The following DNAAF5 variants were observed in gnomAD, a reference collection of about 807,000 sequenced individuals.
The protein encoded by DNAAF5 is dynein axonemal assembly factor 5.
Under a neutral mutation model 75.8 loss-of-function variants are expected in DNAAF5, and 64 were observed. That is an observed-to-expected ratio of 0.84 (90% CI 0.69 to 1.04). The LOEUF (loss-of-function observed/expected upper bound fraction) is 1.04, where lower values mean the gene tolerates loss of function less well. DNAAF5 is among the 50% of genes least tolerant of loss of function. The pLI, the probability that DNAAF5 is intolerant of heterozygous loss-of-function variation, is 0.00. For synonymous variants in DNAAF5, 657 were observed against 557.2 expected, an observed-to-expected ratio of 1.18 and a Z score of -2.52; for missense variants, 1,269 against 1,178.5, an observed-to-expected ratio of 1.08 and a Z score of -1.12.
Position 727,112 on chromosome 7 carries a change from C to G in DNAAF5, c.392C>G (p.Ala131Gly), listed in dbSNP as rs1347850043. Residue 131 changes from alanine to glycine, a missense_variant, in exon 1 of 13, where the codon GCG becomes GGG. By Grantham distance (60) the Ala-to-Gly change is moderately conservative (BLOSUM62 0). Transcript: ENST00000297440. ...LAARLAGPVP[A>G]RRPPEACEEL... ...GCGCGCTTGGCCGGCCCCGTGCCCGCGCGCCGCCCGCCCGAGGCCTGTGAG... is the reference window on the plus strand; with the variant it reads ...GCGCGCTTGGCCGGCCCCGTGCCCGGGCGCCGCCCGCCCGAGGCCTGTGAG... 6 of 1,113,080 alleles carry G rather than the reference C, an allele frequency of 5.4e-6. No individual in the cohort carries two copies. The East Asian group carries it at 3.1e-4, about 58-fold the overall frequency. 69.0% of individuals were successfully genotyped at this position (1,113,080 alleles called of 1,614,324 possible).
intron 8 of DNAAF5, chr7:769,055 C>T: frequency 1.5e-6 from 1 of 673,974 alleles, no homozygotes. Context: ...CACCGCGAGG[C>T]CTGACTTCGA....
In DNAAF5 at chr7:775,086, A is replaced by G. The variant is rs746691920; in HGVS notation, c.2163A>G (p.Ser721=). ...ATTCGAAGATGACGCGACTGATCTCATGCCGTATTATCAACACGTTCTTAA... is the reference window on the plus strand; with the variant it reads ...ATTCGAAGATGACGCGACTGATCTCGTGCCGTATTATCAACACGTTCTTAA... ...EEDSKMTRLI[S]CRIINTFLKT... is the part of the protein sequence containing the mutation. The change falls in exon 11 of 13, where the codon TCA becomes TCG. Residue 721 remains serine, a synonymous_variant. Transcript: ENST00000297440. 1.2e-6 allele frequency: 2 copies of G among 1,613,936 alleles called. No homozygotes were observed. Among genetic ancestry groups the G allele is most frequent in the South Asian group, 1.1e-5 (1 of 91,074 alleles).
In DNAAF5 at chr7:727,221, T is replaced by C; in HGVS notation, c.501T>C (p.Ala167=). The change falls in exon 1 of 13, where the codon GCT becomes GCC. Residue 167 remains alanine, a synonymous_variant. Transcript: ENST00000297440. ...GAALAPHLDD[A]LRALRCSLLD... is the part of the protein sequence containing the mutation. ...CGCTCGCGCCCCACCTGGACGACGCTCTGCGCGCGCTGCGCTGCTCCCTGC... is the reference window on the plus strand; with the variant it reads ...CGCTCGCGCCCCACCTGGACGACGCCCTGCGCGCGCTGCGCTGCTCCCTGC... 7.4e-7 allele frequency: 1 copy of C among 1,350,250 alleles called. No individual in the cohort carries two copies. Among genetic ancestry groups the C allele is most frequent in the Non-Finnish European group, 9.5e-7 (1 of 1,050,686 alleles). 83.6% of individuals were successfully genotyped at this position (1,350,250 alleles called of 1,614,324 possible).
intron 7 of DNAAF5, 98 bp from the exon 8 acceptor site, chr7:763,708 T>A: frequency 7.3e-7 from 1 of 1,363,272 alleles, no homozygotes; most frequent in Non-Finnish European, 1.0e-6. Flanking sequence ...CCGGCCTGTG[T>A]GGTTCTTACG....
rs137913847 is a variant in DNAAF5 at position 734,735 on chromosome 7, G to A, written c.780+4888G>A. On this transcript the variant is annotated intron_variant, in intron 2 of 12. Coordinates refer to ENST00000297440, the MANE Select transcript of DNAAF5 (RefSeq NM_017802.4). ...TCTTTGCTCAGTGGCTTTTCATTGC[G>A]GCTTCAATATCATTACTTGTTACTG... Among the ~76,000 whole-genome samples the A allele has an allele frequency of 1.9e-4, 29 of 152,212 alleles. No homozygotes were observed. In the East Asian group the frequency reaches 5.4e-3, roughly 28 times the overall value.
At chr7:775,511 G>GGGGTGT (rs982665784) in intron 11 of DNAAF5, among the ~76,000 whole-genome samples, 2 of 150,616 alleles carry the variant, frequency 1.3e-5, no homozygotes, top group African/African-American at 4.9e-5. Context: ...TAAAAGTAGG[G>GGGGTGT]GTGTGTGTGT....
chr7:772,092 G>A (rs1172658154), intron 9 of DNAAF5: 1 of 152,360 alleles, frequency 6.6e-6, no homozygotes, highest in Non-Finnish European at 1.5e-5. Context: ...CCGCAGCTGT[G>A]AGCGCCGGCT....
chr7:732,335 G>C (rs550443240), intron 2 of DNAAF5, among the ~76,000 whole-genome samples: 2 of 152,248 alleles, frequency 1.3e-5, no homozygotes, highest in African/African-American at 4.8e-5. Flanking sequence ...ACGTATGGCC[G>C]TGCAGTTGTG....
At chr7:775,474 C>T (rs2128085265) in intron 11 of DNAAF5, among the ~76,000 whole-genome samples, 1 of 152,244 alleles carries the variant, frequency 6.6e-6, no homozygotes, top group East Asian at 1.9e-4. Flanking sequence ...TGAGCCCAGC[C>T]TGGGCAACAG....
chr7:738,663 A>G (rs1481985357), intron 2 of DNAAF5, among the ~76,000 whole-genome samples: 2 of 152,214 alleles, frequency 1.3e-5, no homozygotes, highest in Admixed American at 1.3e-4. Flanking sequence ...GAACTAAAAG[A>G]AAAGGGATAA....
At chr7:766,596 A>G (rs1347550705) in intron 8 of DNAAF5, among the ~76,000 whole-genome samples, 1 of 152,250 alleles carries the variant, frequency 6.6e-6, no homozygotes, top group Admixed American at 6.5e-5. Context: ...TCTTTGTTAC[A>G]TAAAGCTGAC....
rs1308856153 is a variant in DNAAF5, at chr7:754,400, CA to C, written c.1025-188del. ...CTTGGCCTCCACAGGGCTAGGACTG[CA>C]GCCGTGCACCGCCTCTGTGAATGTT... On this transcript the variant is annotated intron_variant, in intron 4 of 12. Transcript: ENST00000297440. This position sits in a 1 kb window ranked among gnomAD's most constrained non-coding sequence, Gnocchi z 4.8. 6.6e-6 allele frequency among the ~76,000 whole-genome samples: 1 copy of C among 152,186 alleles called. No individual in the cohort carries two copies. Among genetic ancestry groups the C allele is most frequent in the East Asian group, 1.9e-4 (1 of 5,184 alleles).
At chr7:770,706 G>A (rs1239731412) in intron 9 of DNAAF5, 88 bp downstream of exon 9, 1 of 1,306,556 alleles carries the variant, frequency 7.7e-7, no homozygotes, top group East Asian at 2.4e-5. Context: ...CACTGAGCAA[G>A]GGGGTTCCCA....
intron 5 of DNAAF5, among the ~76,000 whole-genome samples, chr7:755,730 C>T (rs1430345679): frequency 6.6e-6 from 1 of 152,152 alleles, no homozygotes; most frequent in East Asian, 1.9e-4. Flanking sequence ...GACGCTGTCT[C>T]AGATAAAACA....
At chr7:770,669 G>A in intron 9 of DNAAF5, 51 bp downstream of exon 9, 4 of 1,580,652 alleles carry the variant, frequency 2.5e-6, no homozygotes, top group Non-Finnish European at 3.4e-6. Context: ...CCTGGGCCAG[G>A]GGTCCCCATC....
chr7:755,386 G>A lies in DNAAF5; in HGVS notation c.1257+565G>A, dbSNP rs141970564. Among the ~76,000 whole-genome samples the A allele has an allele frequency of 1.2e-3, 190 of 152,272 alleles. 1 individual carries two copies. The highest frequency in any genetic ancestry group is 4.3e-3 in the African/African-American group (178 of 41,550). On this transcript the variant is annotated intron_variant, in intron 5 of 12. Transcript: ENST00000297440. ...TCAGGCCTCTCCTCCTCACTAGGCC[G>A]GGCCACGCCCTGCGCTGACAGTCAC...
intron 4 of DNAAF5, among the ~76,000 whole-genome samples, chr7:752,114 G>A (rs1311793878): frequency 6.6e-6 from 1 of 152,090 alleles, no homozygotes; most frequent in Non-Finnish European, 1.5e-5. Flanking sequence ...AGAAACAGGC[G>A]CCCGCACGCG....
rs200106324 is a variant in DNAAF5, at chr7:756,859, G to T, written c.1335G>T (p.Lys445Asn). The T allele has an allele frequency of 1.9e-6, 3 of 1,613,960 alleles. No homozygotes were observed. The East Asian group carries it at 6.7e-5, about 36-fold the overall frequency. ...VFLKLILSTL[K>N]KTPSASGLLV... The stretch of plus-strand genomic sequence containing the variant: ...TGAAGCTGATCTTATCGACGCTGAA[G>T]AAGACGCCCTCTGCCTCCGGCCTCC... Residue 445 changes from lysine (K) to asparagine (N), a missense_variant, in exon 6 of 13, where the codon AAG becomes AAT. Coordinates refer to ENST00000297440, the MANE Select transcript of DNAAF5 (RefSeq NM_017802.4).
chr7:740,286 C>T (rs1199765495), intron 2 of DNAAF5, among the ~76,000 whole-genome samples: 1 of 152,214 alleles, frequency 6.6e-6, no homozygotes, highest in Non-Finnish European at 1.5e-5. Flanking sequence ...CCTCGTGCCC[C>T]CTCTTCAGAC....
Sources: allele counts gnomAD v4.1 joint callset (sites outside exome capture counted in the v4.1 genomes callset), GRCh38; gene constraint gnomAD v4.1.1; non-coding constraint Gnocchi (gnomAD v3.1); transcripts MANE v1.5; gene names NCBI Gene and HGNC (gene_info 2026-07-23, HGNC 2026-07-21).